DGKD: variants seen among roughly 807,000 people sequenced by gnomAD.
The protein encoded by DGKD is DAG kinase delta.
In DGKD, 68 loss-of-function variants were observed where a neutral mutation model predicts 154.4. The ratio of observed to expected loss-of-function variants is 0.44; its 90% CI spans 0.36 to 0.54. The LOEUF (loss-of-function observed/expected upper bound fraction) is 0.54. Among genes scored for constraint, DGKD ranks in the 20% least tolerant of loss-of-function variants. DGKD has a pLI of 0.00. For synonymous variants in DGKD, 693 were observed against 638.0 expected, an observed-to-expected ratio of 1.09 and a Z score of -1.30; for missense variants, 1,343 against 1,593.6, an observed-to-expected ratio of 0.84 and a Z score of 2.68.
chr2:233,442,039 G>A (rs371106768), intron 10 of DGKD, 44 bp downstream of exon 10: 58 of 1,512,592 alleles, frequency 3.8e-5, no homozygotes, highest in African/African-American at 8.2e-5. Flanking sequence ...GAGAGGGTGC[G>A]GAGGTTAGAG....
At position 233,452,212 on chromosome 2, in the gene DGKD, TAAG is replaced by T. The variant is rs1397256560; in HGVS notation, c.2264+153_2264+155del. The T allele has an allele frequency of 4.1e-6, 3 of 726,552 alleles. No homozygotes were observed. Among genetic ancestry groups the T allele is most frequent in the Non-Finnish European group, 6.9e-6 (3 of 434,058 alleles). The allele number at this position is 726,552 out of a possible 1,614,324, so 45.0% of individuals were successfully genotyped here. The stretch of plus-strand genomic sequence containing the variant: ...GCTGAGAAGTCGTGGAGATTCCACT[TAAG>T]GAGTGGAGCTGGAAACCACTACTGC... On this transcript the variant is annotated intron_variant, in intron 18 of 29. Transcript: ENST00000264057. This position sits in a 1 kb window ranked among gnomAD's most constrained non-coding sequence, Gnocchi z 4.0.
At chr2:233,433,618 C>G (rs1195639541) in intron 3 of DGKD, among the ~76,000 whole-genome samples, 1 of 152,002 alleles carries the variant, frequency 6.6e-6, no homozygotes, top group Non-Finnish European at 1.5e-5. Context: ...AGGATAAATC[C>G]TTGAGGCAAT....
Position 233,424,073 on chromosome 2 carries a change from G to A in DGKD, c.349-10307G>A, listed in dbSNP as rs557675950. ...TTGGACCCGTGAAAAGTGAAGAGGG[G>A]GTCCATTCAGAATGTTGTGCCTCTA... On this transcript the variant is annotated intron_variant, in intron 3 of 29. Transcript: ENST00000264057. 5.3e-5 allele frequency among the ~76,000 whole-genome samples: 8 copies of A among 152,208 alleles called. No homozygotes were observed. The South Asian group carries it at 1.7e-3, about 32-fold the overall frequency.
intron 28 of DGKD, 49 bp downstream of exon 28, chr2:233,467,252 A>T (rs201955681): frequency 1.7e-4 from 226 of 1,329,194 alleles, no homozygotes; most frequent in Non-Finnish European, 2.3e-4. Flanking sequence ...CGCCTGCTGG[A>T]TCGGCCCCGT....
intron 2 of DGKD, 122 bp downstream of exon 2, chr2:233,388,489 G>A (rs1703343419): frequency 1.1e-6 from 1 of 927,286 alleles, no homozygotes; most frequent in South Asian, 1.9e-5. Flanking sequence ...TATTGCCAGT[G>A]AGTTTTGTAA....
chr2:233,436,437 C>T lies in DGKD; in HGVS notation c.815C>T (p.Ala272Val). The change falls in exon 7 of 30, where the codon GCC (alanine) becomes GTC (valine). Residue 272 changes from alanine (A) to valine (V), a missense_variant. By Grantham distance (64) the Ala-to-Val change is moderately conservative. Around this residue, in one of 6 missense-constraint regions of DGKD, gnomAD observed 332 missense variants for 400.1 expected, o/e 0.83. Coordinates refer to ENST00000264057, the MANE Select transcript of DGKD (RefSeq NM_152879.3). ...LQDWRCLWCK[A>V]MVHTSCKESL... ...GACTGGCGCTGCCTCTGGTGCAAGG[C>T]CATGGTGAGTGTGGGCCCTGCGCCC... The T allele has an allele frequency of 6.2e-7, 1 of 1,612,576 alleles. No homozygotes were observed. The highest frequency in any genetic ancestry group is 8.5e-7 in the Non-Finnish European group (1 of 1,179,878).
chr2:233,399,621 G>A (rs2061509058), intron 3 of DGKD, among the ~76,000 whole-genome samples: 1 of 152,222 alleles, frequency 6.6e-6, no homozygotes, highest in South Asian at 2.1e-4. Context: ...AGCCTCTGAG[G>A]CAGGAAGTGC....
chr2:233,368,278 G>C (rs1702135930), intron 1 of DGKD, among the ~76,000 whole-genome samples: 1 of 152,084 alleles, frequency 6.6e-6, no homozygotes, highest in East Asian at 1.9e-4. Context: ...GGAGGCCAAG[G>C]CTCAGGCGAT....
At position 233,434,998 on chromosome 2, in the gene DGKD, G is replaced by A. The variant is rs78059682; in HGVS notation, c.586+97G>A. 1,870 of 1,514,374 alleles carry A rather than the reference G, an allele frequency of 1.2e-3. 20 individuals carry two copies. The African/African-American group carries it at 0.021, about 17-fold the overall frequency. The allele number at this position is 1,514,374 out of a possible 1,614,324, so 93.8% of individuals were successfully genotyped here. On this transcript the variant is annotated intron_variant, in intron 5 of 29. Transcript: ENST00000264057. Reference sequence around the variant, plus strand: ...CAAACCCAGTCACCATAAATAAGCCGTTGTCACCCATGTGGTCAGTCAAGG... The same window carrying A: ...CAAACCCAGTCACCATAAATAAGCCATTGTCACCCATGTGGTCAGTCAAGG...
chr2:233,469,602 CCT>C lies in DGKD; in HGVS notation c.*145_*146del, dbSNP rs1559192235. 17 of 680,926 alleles carry C rather than the reference CCT, an allele frequency of 2.5e-5. No individual in the cohort carries two copies. The highest frequency in any genetic ancestry group is 4.3e-5 in the Non-Finnish European group (17 of 399,556). The allele number at this position is 680,926 out of a possible 1,614,324, so 42.2% of individuals were successfully genotyped here. ...CCGCCCCCTTCTCATGGTGCTACTT[CCT>C]CTGTCAGCTACAGAAAGCCTCCGTG... On this transcript the variant is annotated 3_prime_UTR_variant, in exon 30 of 30. Coordinates refer to ENST00000264057, the MANE Select transcript of DGKD (RefSeq NM_152879.3).
chr2:233,420,586 C>A (rs1375904322), intron 3 of DGKD, among the ~76,000 whole-genome samples: 1 of 152,158 alleles, frequency 6.6e-6, no homozygotes, highest in Non-Finnish European at 1.5e-5. Context: ...TGAACTGGTT[C>A]TGAAATGTCG....
chr2:233,432,014 C>G (rs2062530512), intron 3 of DGKD, among the ~76,000 whole-genome samples: 1 of 152,194 alleles, frequency 6.6e-6, no homozygotes, highest in African/African-American at 2.4e-5. Context: ...AAAAAAAGCT[C>G]CTGTTTTTAA....
chr2:233,436,796 C>T (rs978112834), intron 7 of DGKD, among the ~76,000 whole-genome samples: 1 of 152,212 alleles, frequency 6.6e-6, no homozygotes, highest in Non-Finnish European at 1.5e-5. Flanking sequence ...CCATTTGGAG[C>T]GGCGTTGGCT....
intron 18 of DGKD, chr2:233,454,556 T>A (rs1253616785): frequency 1.8e-6 from 1 of 556,960 alleles, no homozygotes; most frequent in Non-Finnish European, 3.4e-6. Flanking sequence ...TAGTGATGGT[T>A]AAATGACTCT....
intron 10 of DGKD, among the ~76,000 whole-genome samples, chr2:233,443,074 G>T (rs929955110): frequency 1.3e-5 from 2 of 152,142 alleles, no homozygotes; most frequent in Non-Finnish European, 2.9e-5. Context: ...CTCTCTGAGC[G>T]CACCCAAGCT....
At chr2:233,413,693 G>A (rs2061887150) in intron 3 of DGKD, among the ~76,000 whole-genome samples, 1 of 152,180 alleles carries the variant, frequency 6.6e-6, no homozygotes, top group Admixed American at 6.5e-5. Context: ...ACATGGGACC[G>A]TGTCGTCACT....
Position 233,436,340 on chromosome 2 carries a change from G to C in DGKD, c.718G>C (p.Glu240Gln). 1 of 1,614,238 alleles carries C rather than the reference G, an allele frequency of 6.2e-7. No homozygotes were observed. The highest frequency in any genetic ancestry group is 8.5e-7 in the Non-Finnish European group (1 of 1,180,052). The change falls in exon 7 of 30, where the codon GAA becomes CAA. Residue 240 changes from glutamate (E) to glutamine (Q), a missense_variant. Physicochemically the swap from Glu to Gln is conservative, Grantham distance 29 (BLOSUM62 2). Coordinates refer to ENST00000264057, the MANE Select transcript of DGKD (RefSeq NM_152879.3). ...GATTGCAATGCCCCACCAGTGGTTG[G>C]AAGGAAACCTACCTGTGAGCGCCAA... The part of the protein sequence containing the change: ...DGIAMPHQWL[E>Q]GNLPVSAKCT...
At chr2:233,416,132 T>C (rs145891821) in intron 3 of DGKD, among the ~76,000 whole-genome samples, 69 of 152,298 alleles carry the variant, frequency 4.5e-4, no homozygotes, top group African/African-American at 1.6e-3. Flanking sequence ...TTTATTGTGG[T>C]AGAATACTGT....
At chr2:233,433,094 A>G (rs2062583540) in intron 3 of DGKD, among the ~76,000 whole-genome samples, 2 of 152,250 alleles carry the variant, frequency 1.3e-5, no homozygotes, top group Non-Finnish European at 2.9e-5. Flanking sequence ...TGCTAGGTAT[A>G]TACCAAAGAG....
Sources: allele counts gnomAD v4.1 joint callset (sites outside exome capture counted in the v4.1 genomes callset), GRCh38; gene constraint gnomAD v4.1.1; regional missense constraint gnomAD v4.1.1; non-coding constraint Gnocchi (gnomAD v3.1); transcripts MANE v1.5; gene names NCBI Gene and HGNC (gene_info 2026-07-23, HGNC 2026-07-21).